SH3RF3: variants seen among roughly 807,000 people sequenced by gnomAD.
The protein encoded by SH3RF3 is SH3 domain containing ring finger 3, also known as E3 ubiquitin-protein ligase SH3RF3.
A neutral mutation model predicts 66.3 loss-of-function variants in SH3RF3; 29 were observed. That is an observed-to-expected ratio of 0.44 (90% CI 0.33 to 0.60). The LOEUF (loss-of-function observed/expected upper bound fraction) is 0.60, where lower values mean the gene tolerates loss of function less well. Among genes scored for constraint, SH3RF3 ranks in the 20% least tolerant of loss-of-function variants. The pLI is 0.04. For synonymous variants in SH3RF3, 583 were observed against 532.0 expected (o/e 1.10, Z -1.32); for missense variants, 1,194 against 1,190.9 (o/e 1.00, Z -0.04).
intron 8 of SH3RF3, among the ~76,000 whole-genome samples, chr2:109,462,595 G>A (rs1440006360): frequency 1.3e-5 from 2 of 152,150 alleles, no homozygotes; most frequent in African/African-American, 4.8e-5. Context: ...GTACCTCTAG[G>A]AATGCATATT....
At position 109,170,296 on chromosome 2, in the gene SH3RF3, T is replaced by C. The variant is rs1328735043; in HGVS notation, c.573+40183T>C. The stretch of plus-strand genomic sequence containing the variant: ...TCTCTTCTCTTCTCTTCTCTTCTCT[T>C]CTCTTCTCTTCTCTTCTCTCCTCTC... On this transcript the variant is annotated intron_variant, in intron 1 of 9. Coordinates refer to ENST00000309415, the MANE Select transcript of SH3RF3 (RefSeq NM_001099289.3). Among the ~76,000 whole-genome samples the C allele has an allele frequency of 9.2e-3, 1,021 of 110,938 alleles. 31 individuals are homozygous for C. The highest frequency in any genetic ancestry group is 0.033 in the African/African-American group (960 of 28,822). The allele number at this position is 110,938 out of a possible 152,430, so 72.8% of individuals were successfully genotyped here. A position where few individuals can be genotyped will look rare whatever the true frequency, so the allele number is the denominator to read the frequency against.
chr2:109,150,235 C>G (rs148034941), intron 1 of SH3RF3, among the ~76,000 whole-genome samples: 1 of 151,948 alleles, frequency 6.6e-6, no homozygotes, highest in Non-Finnish European at 1.5e-5. Context: ...GAAGAGTGTT[C>G]CAGCGGAGGG....
chr2:109,163,253 G>T (rs947143741), intron 1 of SH3RF3, among the ~76,000 whole-genome samples: 2 of 152,172 alleles, frequency 1.3e-5, no homozygotes, highest in South Asian at 4.1e-4. Flanking sequence ...TGTGTTGACT[G>T]TAGGGCTCTG....
rs780165393 is a variant in SH3RF3 at position 109,502,254 on chromosome 2, C to T, written c.*583C>T. ...TGGGAACCAGAGCAGAATCTGTGGG[C>T]TTGTCGCCTGCCAGTAGTATAAGCA... On this transcript the variant is annotated 3_prime_UTR_variant, in exon 10 of 10. Coordinates refer to ENST00000309415, the MANE Select transcript of SH3RF3 (RefSeq NM_001099289.3). 1.3e-5 allele frequency: 2 copies of T among 152,258 alleles called. No homozygotes were observed. The highest frequency in any genetic ancestry group is 6.5e-5 in the Admixed American group (1 of 15,276). 9.4% of individuals were successfully genotyped at this position (152,258 alleles called of 1,614,324 possible). A position where few individuals can be genotyped will look rare whatever the true frequency, so the allele number is the denominator to read the frequency against.
intron 7 of SH3RF3, among the ~76,000 whole-genome samples, chr2:109,447,932 A>T (rs1312418543): frequency 1.3e-5 from 2 of 152,196 alleles, no homozygotes; most frequent in African/African-American, 4.8e-5. Context: ...GTGCTTCGAC[A>T]TGCAGGCAGA....
chr2:109,265,589 A>C (rs1680469021), intron 1 of SH3RF3, among the ~76,000 whole-genome samples: 2 of 152,214 alleles, frequency 1.3e-5, no homozygotes, highest in African/African-American at 4.8e-5. Context: ...TTCCTCTCCC[A>C]GATGACTCAG....
intron 5 of SH3RF3, among the ~76,000 whole-genome samples, chr2:109,420,130 A>G (rs779031697): frequency 1.3e-5 from 2 of 152,236 alleles, no homozygotes; most frequent in South Asian, 2.1e-4. Context: ...TAACCAGATG[A>G]ATCAGTGCTA....
chr2:109,400,603 A>T (rs1413106743), intron 4 of SH3RF3, among the ~76,000 whole-genome samples: 1 of 151,556 alleles, frequency 6.6e-6, no homozygotes, highest in Non-Finnish European at 1.5e-5. Flanking sequence ...GTGAACTTAT[A>T]TGCGTCCCTT....
At chr2:109,228,908 G>T (rs1679434573) in intron 1 of SH3RF3, among the ~76,000 whole-genome samples, 1 of 152,174 alleles carries the variant, frequency 6.6e-6, no homozygotes, top group Non-Finnish European at 1.5e-5. Flanking sequence ...CAGCCCCTCT[G>T]CCCTCTTTGG....
At chr2:109,314,339 G>A (rs1462971658) in intron 1 of SH3RF3, among the ~76,000 whole-genome samples, 2 of 152,202 alleles carry the variant, frequency 1.3e-5, no homozygotes, top group African/African-American at 2.4e-5. Flanking sequence ...CAAAGGCTCA[G>A]GGTTCCAGAA....
At chr2:109,132,062 A>T (rs1342957275) in intron 1 of SH3RF3, among the ~76,000 whole-genome samples, 1 of 152,198 alleles carries the variant, frequency 6.6e-6, no homozygotes, top group Non-Finnish European at 1.5e-5. Context: ...TACTTTTGGT[A>T]CTTTACTGTC....
chr2:109,467,423 A>AC (rs1678382653), intron 8 of SH3RF3, among the ~76,000 whole-genome samples: 2 of 152,204 alleles, frequency 1.3e-5, no homozygotes, highest in African/African-American at 4.8e-5. Context: ...ACTTTGGAAA[A>AC]TGCACACCCA....
intron 1 of SH3RF3, among the ~76,000 whole-genome samples, chr2:109,133,824 T>C (rs577409179): frequency 2.8e-4 from 42 of 152,106 alleles, no homozygotes; most frequent in African/African-American, 1.0e-3. Context: ...ATTAGCATAG[T>C]TGGGAATAAG....
At chr2:109,192,226 G>A (rs1007099806) in intron 1 of SH3RF3, among the ~76,000 whole-genome samples, 1 of 152,206 alleles carries the variant, frequency 6.6e-6, no homozygotes, top group Non-Finnish European at 1.5e-5. Flanking sequence ...GATTCTGTCT[G>A]TATCTAAGCA....
chr2:109,443,340 C>A (rs965670547), intron 7 of SH3RF3, among the ~76,000 whole-genome samples: 2 of 152,192 alleles, frequency 1.3e-5, no homozygotes, highest in Non-Finnish European at 2.9e-5. Context: ...TACTGTGTTG[C>A]CCCCTATCGG....
rs138481907 is a variant in SH3RF3, at chr2:109,207,037, G to A, written c.573+76924G>A. On this transcript the variant is annotated intron_variant, in intron 1 of 9. Transcript: ENST00000309415. The stretch of plus-strand genomic sequence containing the variant: ...AGGTGAGAACCACTCAGGGCCTGAG[G>A]CAGAACCTGACCATGCTCATTTGGA... Among the ~76,000 whole-genome samples the A allele has an allele frequency of 2.3e-3, 343 of 152,282 alleles. 3 individuals are homozygous for A. The highest frequency in any genetic ancestry group is 3.1e-3 in the Non-Finnish European group (214 of 68,022).
chr2:109,178,958 G>C (rs143488879), intron 1 of SH3RF3, among the ~76,000 whole-genome samples: 252 of 152,002 alleles, frequency 1.7e-3, no homozygotes, highest in Non-Finnish European at 2.9e-3. Flanking sequence ...TCGTGTTTGT[G>C]TGAAGGTTTT....
chr2:109,240,896 C>T (rs980848031), intron 1 of SH3RF3, among the ~76,000 whole-genome samples: 1 of 146,302 alleles, frequency 6.8e-6, no homozygotes, highest in Non-Finnish European at 1.5e-5. Flanking sequence ...CTCTCTGTCT[C>T]TCTGTCTTGC....
At chr2:109,134,147 A>G (rs1676764573) in intron 1 of SH3RF3, among the ~76,000 whole-genome samples, 1 of 152,232 alleles carries the variant, frequency 6.6e-6, no homozygotes, top group South Asian at 2.1e-4. Flanking sequence ...AAAGTTCACA[A>G]TAATCCTGCC....
Sources: gnomAD v4.1 joint callset for allele counts (sites outside exome capture counted in the v4.1 genomes callset) on GRCh38, gnomAD v4.1.1 for gene constraint, MANE v1.5 for transcripts, NCBI Gene and HGNC (gene_info 2026-07-23, HGNC 2026-07-21) for gene names.